The following NCOA1 variants were observed in gnomAD, a reference collection of about 807,000 sequenced individuals.
NCOA1 encodes the protein nuclear receptor coactivator 1.
In NCOA1, 35 loss-of-function variants were observed where a neutral mutation model predicts 150.9. The observed-to-expected ratio is 0.23, with a 90% CI of 0.18 to 0.31. The LOEUF is 0.31. NCOA1 is among the 10% of genes least tolerant of loss of function. NCOA1 has a pLI of 1.00. For missense variants in NCOA1, 1,491 were observed against 1,749.3 expected (o/e 0.85, Z 2.63); for synonymous variants, 590 against 630.0 (o/e 0.94, Z 0.95).
At chr2:24,571,684 A>G (rs1235628589) in intron 2 of NCOA1, among the ~76,000 whole-genome samples, 1 of 152,120 alleles carries the variant, frequency 6.6e-6, no homozygotes, top group Admixed American at 6.5e-5. Flanking sequence ...TTCACCTTTT[A>G]AAGACCAGTT....
Position 24,592,205 on chromosome 2 carries a change from A to G in NCOA1, c.-175+7645A>G, listed in dbSNP as rs977460993. On this transcript the variant is annotated intron_variant, in intron 3 of 22. Transcript: ENST00000348332. ...GTAAGAATGACTTAGGCAGCTTTAT[A>G]TTAAAACAATAGGTACCGTTAGGCT... is the stretch of plus-strand genomic sequence containing the variant. Among the ~76,000 whole-genome samples, 12 of 152,338 alleles carry G rather than the reference A, an allele frequency of 7.9e-5. 1 individual carries two copies. Among genetic ancestry groups the G allele is most frequent in the African/African-American group, 2.9e-4 (12 of 41,582 alleles).
chr2:24,645,983 C>T (rs190349800), intron 4 of NCOA1, among the ~76,000 whole-genome samples: 4 of 152,160 alleles, frequency 2.6e-5, no homozygotes, highest in South Asian at 2.1e-4. Flanking sequence ...GTTAGTACCT[C>T]GACTTTATGA....
rs189445566 is a variant in NCOA1 at position 24,599,950 on chromosome 2, C to T, written c.-175+15390C>T. Among the ~76,000 whole-genome samples, 7 of 152,102 alleles carry T rather than the reference C, an allele frequency of 4.6e-5. No homozygotes were observed. The East Asian group carries it at 7.8e-4, about 17-fold the overall frequency. ...TTCACCATGTTGGCCAGGTTGGTCT[C>T]GAACTCCTGACCTCAGGTGATCCAC... is the stretch of plus-strand genomic sequence containing the variant. On this transcript the variant is annotated intron_variant, in intron 3 of 22. Transcript: ENST00000348332.
intron 13 of NCOA1, among the ~76,000 whole-genome samples, chr2:24,710,114 A>G (rs1038387653): frequency 6.6e-6 from 1 of 151,414 alleles, no homozygotes; most frequent in African/African-American, 2.4e-5. Flanking sequence ...TATTTTTGAG[A>G]TGGGAGTCTC....
At chr2:24,765,825 T>C (rs1213568142) in intron 22 of NCOA1, among the ~76,000 whole-genome samples, 1 of 152,170 alleles carries the variant, frequency 6.6e-6, no homozygotes, top group Non-Finnish European at 1.5e-5. Context: ...ACACCCCCTT[T>C]TAAGTAATAG....
intron 3 of NCOA1, among the ~76,000 whole-genome samples, chr2:24,619,805 T>C (rs1669042153): frequency 6.6e-6 from 1 of 152,188 alleles, no homozygotes; most frequent in Non-Finnish European, 1.5e-5. Flanking sequence ...GTTATATAAT[T>C]ACAAAGATAA....
rs1215747757 is a variant in NCOA1 at position 24,768,940 on chromosome 2, A to G, written c.*549A>G. ...CTCTGTATCTGTTGGCTTCAAGAGA[A>G]TATTTTGCCTCCACATATGTACCCC... On this transcript the variant is annotated 3_prime_UTR_variant, in exon 23 of 23. Coordinates refer to ENST00000348332, the MANE Select transcript of NCOA1 (RefSeq NM_003743.5). 10 of 216,546 alleles carry G rather than the reference A, an allele frequency of 4.6e-5. No individual in the cohort carries two copies. In the East Asian group the frequency reaches 6.8e-4, roughly 15 times the overall value. The allele number at this position is 216,546 out of a possible 1,614,324, so 13.4% of individuals were successfully genotyped here.
At chr2:24,647,922 G>C (rs1349363405) in intron 4 of NCOA1, among the ~76,000 whole-genome samples, 1 of 152,128 alleles carries the variant, frequency 6.6e-6, no homozygotes, top group Non-Finnish European at 1.5e-5. Flanking sequence ...AGTTTAAAAT[G>C]TGTGAGCATT....
chr2:24,610,284 C>T (rs998025113), intron 3 of NCOA1, among the ~76,000 whole-genome samples: 1 of 151,784 alleles, frequency 6.6e-6, no homozygotes, highest in Admixed American at 6.6e-5. Context: ...CCACCACGCC[C>T]AGCTAATTTT....
intron 1 of NCOA1, among the ~76,000 whole-genome samples, chr2:24,523,924 C>CAAAAAAAAA (rs70947825): frequency 5.5e-4 from 27 of 49,524 alleles, no homozygotes; most frequent in East Asian, 7.9e-4. Context: ...GACTCTGTCT[C>CAAAAAAAAA]AAAAAAAAAA....
At chr2:24,650,064 G>A (rs996181477) in intron 4 of NCOA1, among the ~76,000 whole-genome samples, 1 of 152,110 alleles carries the variant, frequency 6.6e-6, no homozygotes, top group Non-Finnish European at 1.5e-5. Context: ...TTCATTGATT[G>A]CTTTGAATCC....
chr2:24,656,555 T>C (rs553259475), intron 4 of NCOA1, among the ~76,000 whole-genome samples: 3 of 152,226 alleles, frequency 2.0e-5, no homozygotes, highest in Non-Finnish European at 4.4e-5. Context: ...TATAGAACAC[T>C]AGAACTAATT....
chr2:24,658,929 C>G, intron 5 of NCOA1, 163 bp downstream of exon 5: 1 of 618,106 alleles, frequency 1.6e-6, no homozygotes, highest in East Asian at 2.8e-5. Flanking sequence ...ACATGTTTCT[C>G]CCTCAATCCA....
chr2:24,607,240 TG>T (rs1465137050), intron 3 of NCOA1, among the ~76,000 whole-genome samples: 1 of 151,990 alleles, frequency 6.6e-6, no homozygotes, highest in African/African-American at 2.4e-5. Flanking sequence ...TAAGATAAGT[TG>T]GAATAACAGG....
intron 1 of NCOA1, among the ~76,000 whole-genome samples, chr2:24,555,406 A>G (rs1202011381): frequency 6.6e-6 from 1 of 152,186 alleles, no homozygotes; most frequent in African/African-American, 2.4e-5. Flanking sequence ...TGAATATTCC[A>G]TGTGCTCCTG....
At chr2:24,547,202 A>G (rs1244238633) in intron 1 of NCOA1, among the ~76,000 whole-genome samples, 1 of 152,198 alleles carries the variant, frequency 6.6e-6, no homozygotes, top group East Asian at 1.9e-4. Context: ...TTGTATTTTA[A>G]CATGTAATAA....
intron 3 of NCOA1, among the ~76,000 whole-genome samples, chr2:24,596,208 G>A (rs1404867990): frequency 6.6e-6 from 1 of 152,096 alleles, no homozygotes; most frequent in African/African-American, 2.4e-5. Flanking sequence ...CTGTAAAAAT[G>A]GAGGCTGGCT....
At position 24,705,190 on chromosome 2, in the gene NCOA1, C is replaced by T. The variant is rs544237906; in HGVS notation, c.1054C>T (p.Pro352Ser). 6.8e-6 allele frequency: 11 copies of T among 1,613,876 alleles called. No homozygotes were observed. Among genetic ancestry groups the T allele is most frequent in the South Asian group, 5.5e-5 (5 of 91,078 alleles). ...GTGTAAACTTTGCTACCCTCAAAGT[C>T]CAGACATGCAACCTTTCATCATGGG... ...TKCKLCYPQSPDMQPFIMGIH... is the reference protein window; with the variant it reads ...TKCKLCYPQSSDMQPFIMGIH... Residue 352 changes from proline (P) to serine (S), a missense_variant, in exon 12 of 23, where the codon CCA becomes TCA. This residue lies in a region of NCOA1 where 703 missense variants were observed against 717.7 expected (regional missense o/e 0.98). Coordinates refer to ENST00000348332, the MANE Select transcript of NCOA1 (RefSeq NM_003743.5).
chr2:24,573,406 T>A (rs985153782), intron 2 of NCOA1, among the ~76,000 whole-genome samples: 5 of 152,104 alleles, frequency 3.3e-5, no homozygotes, highest in Admixed American at 6.5e-5. Context: ...GAAACACTCT[T>A]TGGTTGACCT....
Sources: gnomAD v4.1 joint callset for allele counts (sites outside exome capture counted in the v4.1 genomes callset) on GRCh38, gnomAD v4.1.1 for gene constraint, gnomAD v4.1.1 regional missense constraint, MANE v1.5 for transcripts, NCBI Gene and HGNC (gene_info 2026-07-23, HGNC 2026-07-21) for gene names.